Variants in LARGE1 observed in about 807,000 individuals in gnomAD.
LARGE1 encodes xylosyl- and glucuronyltransferase LARGE1.
A neutral mutation model predicts 87.6 loss-of-function variants in LARGE1; 43 were observed. The ratio of observed to expected loss-of-function variants is 0.49; its 90% CI spans 0.38 to 0.63. The LOEUF (loss-of-function observed/expected upper bound fraction) is 0.63, where lower values mean the gene tolerates loss of function less well. LARGE1 is among the 30% of genes least tolerant of loss of function. The pLI is 0.00. For missense variants in LARGE1, 802 were observed against 1,000.2 expected (o/e 0.80, Z 2.67); for synonymous variants, 434 against 394.6 (o/e 1.10, Z -1.18).
intron 1 of LARGE1, among the ~76,000 whole-genome samples, chr22:33,833,875 C>T (rs983902946): frequency 1.3e-5 from 2 of 151,998 alleles, no homozygotes; most frequent in African/African-American, 4.8e-5. Flanking sequence ...TTAGTAGAGA[C>T]GAGGTTTCAC....
chr22:33,643,837 A>G (rs1463636424), intron 3 of LARGE1, among the ~76,000 whole-genome samples: 1 of 152,196 alleles, frequency 6.6e-6, no homozygotes, highest in Non-Finnish European at 1.5e-5. Flanking sequence ...TCCTGGACAT[A>G]TACATCCTCC....
intron 10 of LARGE1, among the ~76,000 whole-genome samples, chr22:33,325,661 G>C (rs1026852719): frequency 6.8e-6 from 1 of 146,566 alleles, no homozygotes; most frequent in Non-Finnish European, 1.5e-5. Context: ...TGGAGACATA[G>C]TACGATGGAC....
At chr22:33,798,290 C>CTCAATCAA (rs58724713) in intron 1 of LARGE1, among the ~76,000 whole-genome samples, 16,646 of 151,640 alleles carry the variant, frequency 0.11, 1,091 homozygotes, top group East Asian at 0.17. Context: ...AACTCTGTCT[C>CTCAATCAA]TCAATCAATC....
At chr22:33,663,699 T>A (rs1157228369) in intron 2 of LARGE1, among the ~76,000 whole-genome samples, 2 of 152,152 alleles carry the variant, frequency 1.3e-5, no homozygotes, top group Non-Finnish European at 2.9e-5. Context: ...TTTCTGAAAT[T>A]GCTGGTGAAA....
the LARGE1 span, among the ~76,000 whole-genome samples, chr22:33,114,320 T>A: frequency 6.6e-6 from 1 of 152,200 alleles, no homozygotes; most frequent in Admixed American, 6.5e-5. Flanking sequence ...TTCTATCCTG[T>A]CTTGTTAGGA....
intron 6 of LARGE1, among the ~76,000 whole-genome samples, chr22:33,437,546 A>G (rs2067314863): frequency 1.3e-5 from 2 of 152,308 alleles, no homozygotes; most frequent in Non-Finnish European, 2.9e-5. Context: ...TACCACTAAA[A>G]GCGTCGATGA....
chr22:33,771,755 T>C (rs2085074365), intron 1 of LARGE1, among the ~76,000 whole-genome samples: 1 of 152,142 alleles, frequency 6.6e-6, no homozygotes, highest in Non-Finnish European at 1.5e-5. Context: ...CACATGCATC[T>C]CAGACCTCAA....
the LARGE1 span, among the ~76,000 whole-genome samples, chr22:33,126,749 A>C: frequency 1.3e-5 from 2 of 152,268 alleles, no homozygotes; most frequent in Middle Eastern, 3.2e-3. Flanking sequence ...GTGACATACA[A>C]AATTGATGCA....
chr22:33,105,143 G>C, the LARGE1 span, among the ~76,000 whole-genome samples: 3 of 151,104 alleles, frequency 2.0e-5, no homozygotes, highest in South Asian at 6.3e-4. Flanking sequence ...GATTACAGGT[G>C]TGTGCCACCA....
rs2086442484 is a variant in LARGE1 at position 33,809,989 on chromosome 22, T to A, written c.-82-48431A>T. Reference sequence around the variant, plus strand: ...TGGTACTAGCCACATTTCAAGCACTTGTAGTTATAGGCGGGTGTTGCTACC... The same window carrying A: ...TGGTACTAGCCACATTTCAAGCACTAGTAGTTATAGGCGGGTGTTGCTACC... On this transcript the variant is annotated intron_variant, in intron 1 of 14. Coordinates refer to ENST00000397394, the MANE Select transcript of LARGE1 (RefSeq NM_133642.5). 2.6e-5 allele frequency among the ~76,000 whole-genome samples: 4 copies of A among 152,138 alleles called. 1 individual carries two copies. The South Asian group carries it at 8.3e-4, about 32-fold the overall frequency.
intron 1 of LARGE1, among the ~76,000 whole-genome samples, chr22:33,891,440 A>AAAAG (rs1555889395): frequency 1.3e-4 from 1 of 7,546 alleles, no homozygotes; most frequent in African/African-American, 4.3e-3. Context: ...TGCTAGCCAT[A>AAAAG]AAAAAAAAAA....
At chr22:33,621,162 G>A (rs566922011) in intron 4 of LARGE1, among the ~76,000 whole-genome samples, 2 of 152,102 alleles carry the variant, frequency 1.3e-5, no homozygotes, top group South Asian at 4.2e-4. Context: ...CTGAGTACAT[G>A]GTTTACCATA....
At chr22:33,281,097 T>C (rs755871460) in intron 13 of LARGE1, among the ~76,000 whole-genome samples, 5 of 152,138 alleles carry the variant, frequency 3.3e-5, no homozygotes, top group African/African-American at 7.2e-5. Context: ...ACAATAGCAA[T>C]TTCTCGGAGA....
chr22:33,914,077 C>A (rs2065714908), intron 1 of LARGE1, among the ~76,000 whole-genome samples: 1 of 152,164 alleles, frequency 6.6e-6, no homozygotes, highest in Admixed American at 6.5e-5. Context: ...CAGCACTCCT[C>A]CACTTGGCTT....
chr22:33,840,717 C>T (rs1000316022), intron 1 of LARGE1, among the ~76,000 whole-genome samples: 1 of 151,932 alleles, frequency 6.6e-6, no homozygotes, highest in Non-Finnish European at 1.5e-5. Flanking sequence ...GTCACCCAGG[C>T]TGGAGCACAG....
the LARGE1 span, among the ~76,000 whole-genome samples, chr22:33,068,481 T>A: frequency 6.6e-6 from 1 of 151,888 alleles, no homozygotes; most frequent in African/African-American, 2.4e-5. Flanking sequence ...CCATCTCTAC[T>A]AAAAATACAA....
chr22:33,731,246 G>A (rs1291956208), intron 2 of LARGE1, among the ~76,000 whole-genome samples: 1 of 150,760 alleles, frequency 6.6e-6, no homozygotes, highest in Non-Finnish European at 1.5e-5. Context: ...CTTGTGATCC[G>A]CCCACCTCAG....
intron 4 of LARGE1, among the ~76,000 whole-genome samples, chr22:33,624,168 G>A (rs575595086): frequency 2.8e-4 from 42 of 152,236 alleles, no homozygotes; most frequent in East Asian, 1.4e-3. Context: ...ATATCTTCAC[G>A]TTCTTTATTA....
At chr22:33,696,255 CTTTCTTTCTTTTT>C (rs976626351) in intron 2 of LARGE1, among the ~76,000 whole-genome samples, 13 of 114,044 alleles carry the variant, frequency 1.1e-4, no homozygotes, top group African/African-American at 4.0e-4. Flanking sequence ...TTCTTTCTTT[CTTTCTTTCTTTTT>C]TTTTTTTTTT....
Sources: allele counts gnomAD v4.1 joint callset (sites outside exome capture counted in the v4.1 genomes callset), GRCh38; gene constraint gnomAD v4.1.1; transcripts MANE v1.5; gene names NCBI Gene and HGNC (gene_info 2026-07-23, HGNC 2026-07-21).